Variants in FOXP2 observed in about 807,000 individuals in gnomAD.
FOXP2 encodes forkhead box P2.
In FOXP2, 12 loss-of-function variants were observed where a neutral mutation model predicts 115.8. The observed-to-expected ratio is 0.10, with a 90% confidence interval of 0.07 to 0.17. The LOEUF (loss-of-function observed/expected upper bound fraction) is 0.17. Ranked by LOEUF, FOXP2 falls within the 10% of genes least tolerant of loss-of-function variation. FOXP2 has a pLI of 1.00. For missense variants in FOXP2, 629 were observed against 843.5 expected, an observed-to-expected ratio of 0.75 and a Z score of 3.15; for synonymous variants, 328 against 297.7, an observed-to-expected ratio of 1.10 and a Z score of -1.05.
intron 3 of FOXP2, among the ~76,000 whole-genome samples, chr7:114,610,883 C>T (rs1584949345): frequency 6.6e-6 from 1 of 152,180 alleles, no homozygotes; most frequent in Non-Finnish European, 1.5e-5. Context: ...GATCCTCCTG[C>T]CTCAGCCGTC....
chr7:114,252,566 T>C (rs955690099), intron 1 of FOXP2, among the ~76,000 whole-genome samples: 1 of 152,252 alleles, frequency 6.6e-6, no homozygotes, highest in East Asian at 1.9e-4. Flanking sequence ...CTAGATTTTC[T>C]AGTTTATTTG....
chr7:114,293,088 C>T (rs1371106605), intron 2 of FOXP2, among the ~76,000 whole-genome samples: 4 of 152,090 alleles, frequency 2.6e-5, no homozygotes, highest in Admixed American at 2.6e-4. Flanking sequence ...TGGTAGGCAG[C>T]CTCTAAGATG....
intron 1 of FOXP2, among the ~76,000 whole-genome samples, chr7:114,163,768 C>A (rs1456047528): frequency 6.6e-6 from 1 of 152,156 alleles, no homozygotes. Context: ...AGGAAGAAAT[C>A]TCTTGTTCTT....
chr7:114,089,390 T>G (rs1364659811), intron 1 of FOXP2, among the ~76,000 whole-genome samples: 2 of 152,062 alleles, frequency 1.3e-5, no homozygotes, highest in Non-Finnish European at 2.9e-5. Flanking sequence ...ATAGTTAGGT[T>G]GTTAAAATGT....
At position 114,658,052 on chromosome 7, in the gene FOXP2, T is replaced by G. The variant is rs1474530772; in HGVS notation, c.1267-14T>G. 6.2e-7 allele frequency: 1 copy of G among 1,613,736 alleles called. No individual in the cohort carries two copies. Among genetic ancestry groups the G allele is most frequent in the Admixed American group, 1.7e-5 (1 of 59,994 alleles). Reference sequence around the variant, plus strand: ...TCTCTACCTTTTTCCTGCCCTTCTCTTGGGCCTTTGCAGCTAAATCTGGTG... The same window carrying G: ...TCTCTACCTTTTTCCTGCCCTTCTCGTGGGCCTTTGCAGCTAAATCTGGTG... On this transcript the variant is annotated splice_polypyrimidine_tract_variant and intron_variant, in intron 10 of 16. Transcript: ENST00000350908.
At chr7:114,134,296 G>A (rs959686297) in intron 1 of FOXP2, among the ~76,000 whole-genome samples, 2 of 152,156 alleles carry the variant, frequency 1.3e-5, no homozygotes, top group African/African-American at 4.8e-5. Context: ...AGACAGAGCT[G>A]TGGGGCATGA....
At chr7:114,225,079 ATT>A in intron 1 of FOXP2, among the ~76,000 whole-genome samples, 1 of 152,078 alleles carries the variant, frequency 6.6e-6, no homozygotes, top group African/African-American at 2.4e-5. Context: ...ATAATCTATT[ATT>A]TTTATATTTT....
At chr7:114,280,428 TTA>T (rs1399384161) in intron 1 of FOXP2, among the ~76,000 whole-genome samples, 1 of 152,130 alleles carries the variant, frequency 6.6e-6, no homozygotes, top group Non-Finnish European at 1.5e-5. Flanking sequence ...CAAACAGTAT[TTA>T]TGTTATTTTA....
chr7:114,136,254 G>C (rs1349859540), intron 1 of FOXP2, among the ~76,000 whole-genome samples: 4 of 151,910 alleles, frequency 2.6e-5, no homozygotes, highest in Admixed American at 2.6e-4. Context: ...CTTCTTCTGT[G>C]TTTTTTATTC....
intron 2 of FOXP2, among the ~76,000 whole-genome samples, chr7:114,526,195 A>AAC (rs1554410537): frequency 4.1e-5 from 6 of 147,118 alleles, no homozygotes; most frequent in African/African-American, 1.5e-4. Flanking sequence ...AAAAAAAAAA[A>AAC]GGGCCGGACG....
chr7:114,362,676 G>C (rs1285582936), intron 2 of FOXP2, among the ~76,000 whole-genome samples: 1 of 152,098 alleles, frequency 6.6e-6, no homozygotes, highest in Non-Finnish European at 1.5e-5. Context: ...TGAGCCTTCA[G>C]AAGTGGTGGC....
rs111233820 is a variant in FOXP2 at position 114,434,489 on chromosome 7, A to G, written c.168+7810A>G. Among the ~76,000 whole-genome samples the G allele has an allele frequency of 7.4e-3, 1,122 of 151,538 alleles. 11 individuals are homozygous for G. The highest frequency in any genetic ancestry group is 0.026 in the African/African-American group (1,071 of 41,400). On this transcript the variant is annotated intron_variant, in intron 2 of 16. Coordinates refer to ENST00000350908, the MANE Select transcript of FOXP2 (RefSeq NM_014491.4). ...TTTGGTTGATGTATTATATGTATAA[A>G]TAATTAATAGTAAATTTAATATTTT...
chr7:114,329,343 C>A (rs1322495265), intron 2 of FOXP2, among the ~76,000 whole-genome samples: 1 of 151,762 alleles, frequency 6.6e-6, no homozygotes, highest in African/African-American at 2.4e-5. Flanking sequence ...CATGGTGAAA[C>A]CTGGTCTCTA....
intron 1 of FOXP2, among the ~76,000 whole-genome samples, chr7:114,136,577 C>T (rs1398862312): frequency 6.6e-6 from 1 of 151,514 alleles, no homozygotes; most frequent in Non-Finnish European, 1.5e-5. Context: ...TAAAAATGGA[C>T]TATGGTCTTT....
At chr7:114,431,152 G>GA in intron 2 of FOXP2, among the ~76,000 whole-genome samples, 1 of 151,894 alleles carries the variant, frequency 6.6e-6, no homozygotes, top group Non-Finnish European at 1.5e-5. Flanking sequence ...AATATGACAA[G>GA]AACATGTTCA....
rs368502721 is a variant in FOXP2 at position 114,402,093 on chromosome 7, G to A, written c.-10-24409G>A. 3.9e-5 allele frequency among the ~76,000 whole-genome samples: 6 copies of A among 152,278 alleles called. No individual in the cohort carries two copies. In the South Asian group the frequency reaches 1.0e-3, roughly 26 times the overall value. ...GCTGAGATCGTGCCACTGCACTCCAGCCTATGCAACAGAGCAAGACTCTGT... is the reference window on the plus strand; with the variant it reads ...GCTGAGATCGTGCCACTGCACTCCAACCTATGCAACAGAGCAAGACTCTGT... On this transcript the variant is annotated intron_variant, in intron 2 of 17. Coordinates refer to the FOXP2 transcript ENST00000634411.
intron 6 of FOXP2, 116 bp downstream of exon 6, chr7:114,631,821 T>A: frequency 9.7e-7 from 1 of 1,028,418 alleles, no homozygotes; most frequent in Non-Finnish European, 1.5e-6. Context: ...AATTTATTAT[T>A]AAAACGTGAT....
chr7:114,228,991 T>C (rs1794807613), intron 1 of FOXP2, among the ~76,000 whole-genome samples: 1 of 151,554 alleles, frequency 6.6e-6, no homozygotes, highest in South Asian at 2.1e-4. Context: ...AACTATAAAT[T>C]ATCTACAAGA....
At chr7:114,559,402 G>T (rs1276081664) in intron 3 of FOXP2, among the ~76,000 whole-genome samples, 1 of 152,040 alleles carries the variant, frequency 6.6e-6, no homozygotes, top group African/African-American at 2.4e-5. Context: ...TGGATAAGAG[G>T]TGTCCATATC....
Sources: allele counts gnomAD v4.1 joint callset (sites outside exome capture counted in the v4.1 genomes callset), GRCh38; gene constraint gnomAD v4.1.1; transcripts MANE v1.5; gene names NCBI Gene and HGNC (gene_info 2026-07-23, HGNC 2026-07-21).